Variants in ENOX1 observed in about 807,000 individuals in gnomAD.
The protein encoded by ENOX1 is ecto-NOX disulfide-thiol exchanger 1, also known as candidate growth-related and time keeping constitutive hydroquinone (NADH) oxidase.
In ENOX1, 42 loss-of-function variants were observed where a neutral mutation model predicts 82.5. The ratio of observed to expected loss-of-function variants is 0.51; its 90% CI spans 0.40 to 0.66. ENOX1 has a LOEUF of 0.66. ENOX1 is among the 30% of genes least tolerant of loss of function. ENOX1 has a pLI of 0.00. For synonymous variants in ENOX1, 271 were observed against 282.2 expected (o/e 0.96, Z 0.40); for missense variants, 608 against 811.6 (o/e 0.75, Z 3.05).
At position 43,492,036 on chromosome 13, in the gene ENOX1, T is replaced by C. The variant is rs114437233; in HGVS notation, c.-218-7884A>G. ...AGGTGCATCACAGGTGCATGGGGTGTCGCCTATGACAAAAGTGATAAATGA... is the reference window on the plus strand; with the variant it reads ...AGGTGCATCACAGGTGCATGGGGTGCCGCCTATGACAAAAGTGATAAATGA... On this transcript the variant is annotated intron_variant, in intron 2 of 16. Transcript: ENST00000690772. Among the ~76,000 whole-genome samples, 300 of 152,252 alleles carry C rather than the reference T, an allele frequency of 2.0e-3. 2 individuals are homozygous for C. The highest frequency in any genetic ancestry group is 7.0e-3 in the African/African-American group (289 of 41,536).
rs114614600 is a variant in ENOX1, at chr13:43,686,635, C to T, written c.-284-19091G>A. Among the ~76,000 whole-genome samples the T allele has an allele frequency of 9.0e-3, 1,365 of 152,304 alleles. 20 individuals carry two copies. The highest frequency in any genetic ancestry group is 0.031 in the African/African-American group (1,293 of 41,564). ...TTCTCACATAGACTCTGAGACCTTACACACATGGTATCACACTCATTCAAA... is the reference window on the plus strand; with the variant it reads ...TTCTCACATAGACTCTGAGACCTTATACACATGGTATCACACTCATTCAAA... On this transcript the variant is annotated intron_variant, in intron 1 of 16. Coordinates refer to ENST00000690772, the MANE Select transcript of ENOX1 (RefSeq NM_001347969.2).
In ENOX1 at chr13:43,411,922, C is replaced by A; in HGVS notation, c.202G>T (p.Val68Leu). Residue 68 changes from valine to leucine, a missense_variant, in exon 5 of 17, where the codon GTG becomes TTG. Val to Leu is a conservative substitution (Grantham distance 32, BLOSUM62 1). Coordinates refer to ENST00000690772, the MANE Select transcript of ENOX1 (RefSeq NM_001347969.2). ...AAACCAGGAGAAAGCTTACCAGACA[C>A]GAGCTGCTGTCCAGGCAACCCTACG... ...VPVGLPGQQL[V>L]SDSICVPGFD... 6.2e-7 allele frequency: 1 copy of A among 1,614,162 alleles called. No individual in the cohort carries two copies.
At chr13:43,574,339 AC>A (rs2080320434) in intron 2 of ENOX1, among the ~76,000 whole-genome samples, 2 of 152,190 alleles carry the variant, frequency 1.3e-5, no homozygotes, top group African/African-American at 4.8e-5. Context: ...AAAGCAAGCC[AC>A]CACACAGCTT....
intron 2 of ENOX1, among the ~76,000 whole-genome samples, chr13:43,519,756 T>G (rs9567207): frequency 0.29 from 43,342 of 151,960 alleles, 7,257 homozygotes; most frequent in African/African-American, 0.46. Flanking sequence ...CTGAATCCCC[T>G]GCGATCCTCT....
At chr13:43,328,006 C>T (rs950733405) in intron 9 of ENOX1, among the ~76,000 whole-genome samples, 1 of 152,204 alleles carries the variant, frequency 6.6e-6, no homozygotes, top group Non-Finnish European at 1.5e-5. Flanking sequence ...CATCATGTCA[C>T]ATGATGAATT....
intron 2 of ENOX1, among the ~76,000 whole-genome samples, chr13:43,622,568 G>A (rs9533555): frequency 0.2 from 30,685 of 152,144 alleles, 3,805 homozygotes; most frequent in Non-Finnish European, 0.29. Context: ...TGGTAATGGG[G>A]GTTGTCTGCA....
At chr13:43,623,672 G>A (rs2082844887) in intron 2 of ENOX1, among the ~76,000 whole-genome samples, 1 of 152,026 alleles carries the variant, frequency 6.6e-6, no homozygotes, top group Non-Finnish European at 1.5e-5. Context: ...GGTCGATCTG[G>A]AGCTAAAATT....
intron 5 of ENOX1, among the ~76,000 whole-genome samples, chr13:43,393,527 C>G (rs770219578): frequency 3.9e-5 from 6 of 151,998 alleles, no homozygotes; most frequent in East Asian, 1.9e-4. Context: ...AGAGGCTCAT[C>G]ATTAGGCAGA....
chr13:43,262,194 G>A (rs2044112052), intron 14 of ENOX1, among the ~76,000 whole-genome samples: 1 of 152,076 alleles, frequency 6.6e-6, no homozygotes, highest in South Asian at 2.1e-4. Context: ...TGAGTAATGA[G>A]ATACCAAGAT....
intron 2 of ENOX1, among the ~76,000 whole-genome samples, chr13:43,575,414 C>G (rs2153713771): frequency 6.6e-6 from 1 of 152,294 alleles, no homozygotes; most frequent in South Asian, 2.1e-4. Context: ...ACTACTACTA[C>G]TTTCTCTATT....
chr13:43,241,945 A>G (rs1438356460), intron 14 of ENOX1, among the ~76,000 whole-genome samples: 2 of 152,206 alleles, frequency 1.3e-5, no homozygotes, highest in Non-Finnish European at 2.9e-5. Flanking sequence ...CTAAGGACCA[A>G]GAAAATGGCT....
At chr13:43,542,864 C>T (rs778100453) in intron 2 of ENOX1, among the ~76,000 whole-genome samples, 5 of 152,120 alleles carry the variant, frequency 3.3e-5, no homozygotes, top group African/African-American at 4.8e-5. Flanking sequence ...AGTGAGGGCT[C>T]GCTTCCTGGT....
At chr13:43,732,938 GAC>G (rs2089427371) in intron 1 of ENOX1, among the ~76,000 whole-genome samples, 1 of 152,148 alleles carries the variant, frequency 6.6e-6, no homozygotes. Context: ...TCACATCACT[GAC>G]ACAAATTACA....
At chr13:43,329,260 T>C (rs1023983059) in intron 9 of ENOX1, among the ~76,000 whole-genome samples, 2 of 152,078 alleles carry the variant, frequency 1.3e-5, no homozygotes, top group Non-Finnish European at 2.9e-5. Context: ...CTTTATATTG[T>C]AGGATTGGCT....
At chr13:43,568,217 T>C (rs1331071074) in intron 2 of ENOX1, among the ~76,000 whole-genome samples, 2 of 152,226 alleles carry the variant, frequency 1.3e-5, no homozygotes, top group Non-Finnish European at 2.9e-5. Flanking sequence ...AGGTGTCAGA[T>C]AAATGCTTTG....
chr13:43,514,241 T>G (rs906598587), intron 2 of ENOX1, among the ~76,000 whole-genome samples: 1 of 152,198 alleles, frequency 6.6e-6, no homozygotes, highest in Admixed American at 6.5e-5. Flanking sequence ...TTGAGAGTTT[T>G]TTGTTTTTAG....
intron 2 of ENOX1, among the ~76,000 whole-genome samples, chr13:43,560,010 C>T (rs1322692070): frequency 2.0e-5 from 3 of 152,098 alleles, no homozygotes; most frequent in Non-Finnish European, 2.9e-5. Context: ...AGATAATAAC[C>T]ATAAAAGTTT....
intron 7 of ENOX1, among the ~76,000 whole-genome samples, chr13:43,358,266 A>G (rs1231869390): frequency 1.3e-5 from 2 of 152,138 alleles, no homozygotes; most frequent in African/African-American, 4.8e-5. Flanking sequence ...TCATTTAATC[A>G]AGTAGGGTAA....
At chr13:43,333,716 G>A (rs2048541248) in intron 9 of ENOX1, among the ~76,000 whole-genome samples, 2 of 152,180 alleles carry the variant, frequency 1.3e-5, no homozygotes, top group African/African-American at 2.4e-5. Flanking sequence ...TCAGCCTCTC[G>A]GGTTCAAGTG....
Sources: allele counts gnomAD v4.1 joint callset (sites outside exome capture counted in the v4.1 genomes callset), GRCh38; gene constraint gnomAD v4.1.1; transcripts MANE v1.5; gene names NCBI Gene and HGNC (gene_info 2026-07-23, HGNC 2026-07-21).